LRBA: variants seen among roughly 807,000 people sequenced by gnomAD.
LRBA encodes lipopolysaccharide-responsive and beige-like anchor protein.
A neutral mutation model predicts 330.0 loss-of-function variants in LRBA; 176 were observed. The ratio of observed to expected loss-of-function variants is 0.53; its 90% CI spans 0.47 to 0.60. The LOEUF is 0.60. Among genes scored for constraint, LRBA ranks in the 20% least tolerant of loss-of-function variants. The pLI is 0.00. For missense variants in LRBA, 3,259 were observed against 3,444.8 expected, an observed-to-expected ratio of 0.95 and a Z score of 1.35; for synonymous variants, 1,230 against 1,193.0, an observed-to-expected ratio of 1.03 and a Z score of -0.64.
chr4:150,604,756 A>G (rs1774461070), intron 37 of LRBA, among the ~76,000 whole-genome samples: 1 of 152,202 alleles, frequency 6.6e-6, no homozygotes, highest in Non-Finnish European at 1.5e-5. Flanking sequence ...ACATTACTAT[A>G]TGCCACAGCC....
intron 2 of LRBA, among the ~76,000 whole-genome samples, chr4:150,952,295 T>C (rs573978684): frequency 9.9e-5 from 15 of 152,034 alleles, no homozygotes; most frequent in African/African-American, 2.9e-4. Flanking sequence ...GAGAGAGAGA[T>C]AGGTAGAGAC....
intron 2 of LRBA, among the ~76,000 whole-genome samples, chr4:151,012,093 C>A (rs1045633857): frequency 4.6e-5 from 7 of 152,122 alleles, no homozygotes; most frequent in Admixed American, 6.6e-5. Flanking sequence ...ACTTTTCCTG[C>A]CCTACCTGAC....
intron 20 of LRBA, among the ~76,000 whole-genome samples, chr4:150,869,457 G>A (rs1221686934): frequency 6.6e-6 from 1 of 152,110 alleles, no homozygotes; most frequent in Admixed American, 6.5e-5. Context: ...GGGAGGCTGA[G>A]GCAGTTGGAT....
intron 56 of LRBA, among the ~76,000 whole-genome samples, chr4:150,277,097 C>A (rs1265676256): frequency 6.6e-6 from 1 of 152,106 alleles, no homozygotes; most frequent in South Asian, 2.1e-4. Flanking sequence ...TGCAGCCATA[C>A]AAAAGAATGA....
At chr4:150,701,628 T>C (rs1016220511) in intron 36 of LRBA, among the ~76,000 whole-genome samples, 1 of 152,180 alleles carries the variant, frequency 6.6e-6, no homozygotes, top group Non-Finnish European at 1.5e-5. Flanking sequence ...TGTGTATATA[T>C]AAAGCAAATA....
At chr4:150,271,950 G>A (rs897964818) in intron 56 of LRBA, among the ~76,000 whole-genome samples, 1 of 152,192 alleles carries the variant, frequency 6.6e-6, no homozygotes, top group African/African-American at 2.4e-5. Flanking sequence ...AGACTTAAAT[G>A]TCCCTGTCTG....
rs540409343 is a variant in LRBA, at chr4:150,425,914, A to C, written c.7041+9675T>G. 3.3e-5 allele frequency among the ~76,000 whole-genome samples: 5 copies of C among 152,226 alleles called. No individual in the cohort carries two copies. The East Asian group carries it at 9.6e-4, about 29-fold the overall frequency. ...CTGCTTAGGGACACTGATGGTAAAAAAATGTGAAAGCAAAATTTTAGCTTT... is the reference window on the plus strand; with the variant it reads ...CTGCTTAGGGACACTGATGGTAAAACAATGTGAAAGCAAAATTTTAGCTTT... On this transcript the variant is annotated intron_variant, in intron 46 of 56. Coordinates refer to ENST00000651943, the MANE Select transcript of LRBA (RefSeq NM_001364905.1).
intron 36 of LRBA, among the ~76,000 whole-genome samples, chr4:150,719,827 A>G (rs1323785424): frequency 6.6e-6 from 1 of 152,188 alleles, no homozygotes; most frequent in African/African-American, 2.4e-5. Flanking sequence ...AATGCGGCTG[A>G]TTCACTAAAA....
At chr4:150,696,013 A>G (rs1784584868) in intron 36 of LRBA, among the ~76,000 whole-genome samples, 1 of 152,156 alleles carries the variant, frequency 6.6e-6, no homozygotes, top group Non-Finnish European at 1.5e-5. Flanking sequence ...AAATCCCTTG[A>G]GGCCAGGAGA....
chr4:150,636,278 G>T (rs1224344288), intron 37 of LRBA, among the ~76,000 whole-genome samples: 6 of 146,102 alleles, frequency 4.1e-5, no homozygotes, highest in Non-Finnish European at 6.0e-5. Flanking sequence ...CTTTCCATTT[G>T]TTCATTTATT....
intron 40 of LRBA, among the ~76,000 whole-genome samples, chr4:150,567,988 A>G (rs779942292): frequency 4.6e-5 from 7 of 152,146 alleles, no homozygotes; most frequent in Non-Finnish European, 8.8e-5. Flanking sequence ...GTTTAAGATC[A>G]ACGGTAACTG....
At chr4:150,485,691 G>A (rs1757795303) in intron 42 of LRBA, among the ~76,000 whole-genome samples, 3 of 151,920 alleles carry the variant, frequency 2.0e-5, no homozygotes, top group Non-Finnish European at 4.4e-5. Flanking sequence ...CAACACTGAT[G>A]AAAACTTGAT....
intron 47 of LRBA, among the ~76,000 whole-genome samples, chr4:150,389,676 C>CCAAAAAAAAA (rs1743615319): frequency 1.2e-5 from 1 of 80,092 alleles, no homozygotes; most frequent in African/African-American, 5.0e-5. Context: ...GACTCTGTCT[C>CCAAAAAAAAA]AAAAAAAAAA....
chr4:150,936,847 G>A (rs1280075357), intron 2 of LRBA, among the ~76,000 whole-genome samples: 1 of 152,010 alleles, frequency 6.6e-6, no homozygotes, highest in Non-Finnish European at 1.5e-5. Context: ...AGAAGATAAT[G>A]TCTGGAGAGA....
intron 20 of LRBA, among the ~76,000 whole-genome samples, chr4:150,868,946 A>G (rs1482518776): frequency 6.6e-6 from 1 of 152,224 alleles, no homozygotes; most frequent in Admixed American, 6.5e-5. Flanking sequence ...TCAAAAAAAA[A>G]TAATGAAATA....
At chr4:150,607,860 C>T (rs539434075) in intron 37 of LRBA, among the ~76,000 whole-genome samples, 1 of 152,172 alleles carries the variant, frequency 6.6e-6, no homozygotes, top group East Asian at 1.9e-4. Flanking sequence ...CGTGGTGAAA[C>T]CCCGTCTCTA....
chr4:150,806,796 T>C (rs1742862112), intron 32 of LRBA, among the ~76,000 whole-genome samples: 1 of 152,074 alleles, frequency 6.6e-6, no homozygotes, highest in Admixed American at 6.6e-5. Flanking sequence ...GACTTCATTT[T>C]AAAATTCACA....
At chr4:150,453,112 A>T (rs1273291343) in intron 44 of LRBA, among the ~76,000 whole-genome samples, 1 of 152,158 alleles carries the variant, frequency 6.6e-6, no homozygotes, top group Admixed American at 6.5e-5. Flanking sequence ...TTAGTACTTT[A>T]TTTTTACCCA....
intron 2 of LRBA, among the ~76,000 whole-genome samples, chr4:150,943,131 A>T (rs534971810): frequency 6.6e-6 from 1 of 152,328 alleles, no homozygotes; most frequent in South Asian, 2.1e-4. Flanking sequence ...TGATCAAATA[A>T]GTCTAAGAAA....
Sources: gnomAD v4.1 joint callset for allele counts (sites outside exome capture counted in the v4.1 genomes callset) on GRCh38, gnomAD v4.1.1 for gene constraint, MANE v1.5 for transcripts, NCBI Gene and HGNC (gene_info 2026-07-23, HGNC 2026-07-21) for gene names.